Variants in ZNF420 observed in about 807,000 individuals in gnomAD.
The protein encoded by ZNF420 is zinc finger protein 420.
Under a neutral mutation model 44.7 loss-of-function variants are expected in ZNF420, and 31 were observed. That is an observed-to-expected ratio of 0.69 (90% confidence interval 0.52 to 0.94). The LOEUF (loss-of-function observed/expected upper bound fraction) is 0.94. Ranked by LOEUF, ZNF420 falls within the 40% of genes least tolerant of loss-of-function variation. The pLI, the probability that ZNF420 is intolerant of heterozygous loss-of-function variation, is 0.00. For missense variants in ZNF420, 681 were observed against 827.9 expected (o/e 0.82, Z 2.18); for synonymous variants, 245 against 267.4 (o/e 0.92, Z 0.82).
At chr19:37,025,363 CTGTT>C (rs1395842862) in intron 1 of ZNF420, 2 of 168,658 alleles carry the variant, frequency 1.2e-5, no homozygotes, top group African/African-American at 4.8e-5. Flanking sequence ...TTAAAGTTAA[CTGTT>C]GTTGTTTTTT....
At chr19:37,027,330 A>G (rs1045185281) in intron 1 of ZNF420, among the ~76,000 whole-genome samples, 6 of 152,160 alleles carry the variant, frequency 3.9e-5, no homozygotes, top group African/African-American at 7.2e-5. Context: ...AGGCAAATTG[A>G]GCTCTAATAT....
At chr19:37,042,986 G>T (rs1391708123) in intron 1 of ZNF420, among the ~76,000 whole-genome samples, 2 of 152,172 alleles carry the variant, frequency 1.3e-5, no homozygotes, top group Admixed American at 1.3e-4. Flanking sequence ...GAAATGGCTG[G>T]CCAGGGGAGC....
intron 1 of ZNF420, among the ~76,000 whole-genome samples, chr19:37,061,133 G>T (rs1434767914): frequency 6.6e-6 from 1 of 152,028 alleles, no homozygotes; most frequent in Non-Finnish European, 1.5e-5. Flanking sequence ...TGTTTGTTTC[G>T]CCATCGCCCC....
At chr19:37,100,187 A>G (rs960457025) in intron 4 of ZNF420, among the ~76,000 whole-genome samples, 18 of 152,164 alleles carry the variant, frequency 1.2e-4, no homozygotes, top group African/African-American at 4.1e-4. Context: ...CAGTTTTCCC[A>G]GCAACATTTA....
intron 1 of ZNF420, among the ~76,000 whole-genome samples, chr19:37,045,486 CTT>C (rs948847167): frequency 9.8e-5 from 15 of 152,294 alleles, no homozygotes; most frequent in African/African-American, 3.4e-4. Context: ...CTCAGGCTGA[CTT>C]CAAGTAAGAG....
At chr19:37,022,035 A>T (rs1280045623) in intron 1 of ZNF420, among the ~76,000 whole-genome samples, 2 of 151,572 alleles carry the variant, frequency 1.3e-5, no homozygotes, top group African/African-American at 4.8e-5. Context: ...CAATTTTGGA[A>T]TAGGAAATTA....
chr19:37,129,108 A>C lies in ZNF420; in HGVS notation c.*50A>C. ...ATGAAGAGGTTCTCTGGTTGTTAGC[A>C]GCAAAGAATTCTCACAAATGTGAAT... On this transcript the variant is annotated 3_prime_UTR_variant, in exon 5 of 5. Transcript: ENST00000337995. The C allele has an allele frequency of 6.4e-7, 1 of 1,556,266 alleles. No individual in the cohort carries two copies. The highest frequency in any genetic ancestry group is 8.7e-7 in the Non-Finnish European group (1 of 1,150,274).
intron 1 of ZNF420, among the ~76,000 whole-genome samples, chr19:37,018,762 G>A (rs1014473920): frequency 1.3e-5 from 2 of 152,138 alleles, no homozygotes; most frequent in East Asian, 3.9e-4. Flanking sequence ...TAGAGGCGGG[G>A]TTTCACCATG....
At chr19:37,025,444 A>G (rs1266570241) in intron 1 of ZNF420, among the ~76,000 whole-genome samples, 1 of 152,196 alleles carries the variant, frequency 6.6e-6, no homozygotes, top group Non-Finnish European at 1.5e-5. Flanking sequence ...TATAAGAAAG[A>G]GAAACCTACA....
At chr19:37,081,241 T>G (rs148250906) in intron 2 of ZNF420, among the ~76,000 whole-genome samples, 288 of 152,214 alleles carry the variant, frequency 1.9e-3, no homozygotes, top group African/African-American at 6.5e-3. Flanking sequence ...TTTCATTACA[T>G]TGTGTTCACA....
chr19:37,130,255 A>G lies in ZNF420; in HGVS notation c.*1197A>G. ...ACCCTGATGACTTTGTGGAACAGCC[A>G]TACTAGCTCTGGTCTGCTTGCCTCC... On this transcript the variant is annotated 3_prime_UTR_variant, in exon 5 of 5. Coordinates refer to ENST00000337995, the MANE Select transcript of ZNF420 (RefSeq NM_144689.5). 1 of 1,506,654 alleles carries G rather than the reference A, an allele frequency of 6.6e-7. No homozygotes were observed. Among genetic ancestry groups the G allele is most frequent in the Non-Finnish European group, 8.9e-7 (1 of 1,127,172 alleles). 93.3% of individuals were successfully genotyped at this position (1,506,654 alleles called of 1,614,324 possible).
intron 1 of ZNF420, among the ~76,000 whole-genome samples, chr19:37,062,046 CAG>C (rs1030954402): frequency 1.3e-5 from 2 of 152,184 alleles, no homozygotes; most frequent in African/African-American, 4.8e-5. Context: ...GCATGTCACA[CAG>C]AAAGTAGTGG....
chr19:37,017,459 G>T (rs1283290300), intron 1 of ZNF420, among the ~76,000 whole-genome samples: 1 of 152,088 alleles, frequency 6.6e-6, no homozygotes, highest in Non-Finnish European at 1.5e-5. Context: ...GTATAACCAG[G>T]GTTATACACC....
chr19:37,023,454 C>T (rs1402118379), intron 1 of ZNF420, among the ~76,000 whole-genome samples: 1 of 152,088 alleles, frequency 6.6e-6, no homozygotes, highest in Non-Finnish European at 1.5e-5. Flanking sequence ...CAGCCTCTGC[C>T]TCCTGGGTTC....
intron 1 of ZNF420, among the ~76,000 whole-genome samples, chr19:37,062,683 A>G (rs1459563909): frequency 6.6e-6 from 1 of 152,172 alleles, no homozygotes; most frequent in Non-Finnish European, 1.5e-5. Context: ...ATTGTTATCT[A>G]CTTTTCCTGC....
At chr19:37,046,861 G>T (rs1276077441) in intron 1 of ZNF420, among the ~76,000 whole-genome samples, 3 of 150,362 alleles carry the variant, frequency 2.0e-5, no homozygotes, top group African/African-American at 7.4e-5. Flanking sequence ...TAATTTTTAA[G>T]AAATTGAATA....
chr19:37,101,332 TA>T (rs1969766281), intron 4 of ZNF420, among the ~76,000 whole-genome samples: 1 of 152,090 alleles, frequency 6.6e-6, no homozygotes, highest in Non-Finnish European at 1.5e-5. Context: ...CCATTTCTAC[TA>T]AAAATACAAA....
At chr19:37,107,158 A>G (rs960646630) in intron 4 of ZNF420, 2 of 152,102 alleles carry the variant, frequency 1.3e-5, no homozygotes, top group African/African-American at 4.8e-5. Context: ...CCTCCTCAGC[A>G]CAGACCCTTT....
At chr19:37,090,800 A>G (rs770498469) in intron 3 of ZNF420, among the ~76,000 whole-genome samples, 195 bp from the exon 4 acceptor site, 1 of 151,558 alleles carries the variant, frequency 6.6e-6, no homozygotes, top group Non-Finnish European at 1.5e-5. Flanking sequence ...GGTGCCTGTA[A>G]TCCCAGCTAC....
Sources: allele counts gnomAD v4.1 joint callset (sites outside exome capture counted in the v4.1 genomes callset), GRCh38; gene constraint gnomAD v4.1.1; transcripts MANE v1.5; gene names NCBI Gene and HGNC (gene_info 2026-07-23, HGNC 2026-07-21).